Variants in SP110 observed in about 807,000 individuals in gnomAD.
SP110 encodes the protein SP110 nuclear body protein.
SP110 carries 62 observed loss-of-function variants against 92.7 expected under a neutral mutation model. That is an observed-to-expected ratio of 0.67 (90% CI 0.55 to 0.83). The LOEUF is 0.83. SP110 is among the 40% of genes least tolerant of loss of function. The probability of loss-of-function intolerance (pLI) is 0.00; values close to 1 mark genes in which losing one functional copy is unlikely to be tolerated. For missense variants in SP110, 793 were observed against 863.9 expected (o/e 0.92, Z 1.03); for synonymous variants, 273 against 305.3 (o/e 0.89, Z 1.10).
chr2:230,212,211 C>A, intron 5 of SP110, 136 bp downstream of exon 5: 1 of 716,390 alleles, frequency 1.4e-6, no homozygotes, highest in South Asian at 1.5e-5. Context: ...GGTGAATTGG[C>A]CCCTTCTGTT....
intron 15 of SP110, 58 bp downstream of exon 15, chr2:230,172,786 G>T: frequency 2.5e-6 from 3 of 1,177,402 alleles, no homozygotes; most frequent in Non-Finnish European, 2.6e-6. Flanking sequence ...CACAGGTCCT[G>T]CCCTTTCCAT....
chr2:230,185,943 G>T, intron 11 of SP110, 51 bp downstream of exon 11: 1 of 1,518,140 alleles, frequency 6.6e-7, no homozygotes, highest in Non-Finnish European at 9.2e-7. Flanking sequence ...TGCTCCAAGA[G>T]GCCCTCCTAC....
chr2:230,173,113 A>G, intron 14 of SP110, 154 bp from the exon 15 acceptor site: 1 of 654,382 alleles, frequency 1.5e-6, no homozygotes, highest in Non-Finnish European at 2.9e-6. Flanking sequence ...TCCCTGGGGG[A>G]AATTGCAAGA....
At chr2:230,188,479 T>A (rs2042460855) in intron 10 of SP110, among the ~76,000 whole-genome samples, 1 of 152,220 alleles carries the variant, frequency 6.6e-6, no homozygotes. Context: ...GTCATTTATT[T>A]CTTTCTCTTT....
In SP110 at chr2:230,169,147, C is replaced by A. The variant is rs1423431073; in HGVS notation, c.2119G>T (p.Gly707Cys). 11 of 1,612,870 alleles carry A rather than the reference C, an allele frequency of 6.8e-6. No homozygotes were observed. The highest frequency in any genetic ancestry group is 1.3e-5 in the African/African-American group (1 of 74,936). Residue 707 changes from glycine to cysteine, a missense_variant, in exon 19 of 19, where the codon GGC becomes TGC. Gly to Cys is a radical substitution (Grantham distance 159). Transcript: ENST00000258381. ...DVLGFHEAND[G>C]GFWTLP ...GGTCAAGGAAGAGTCCAGAAACCGC[C>A]GTCATTGGCTTCATGAAAACCGAGC...
intron 12 of SP110, among the ~76,000 whole-genome samples, chr2:230,181,612 G>A (rs4327229): frequency 0.79 from 120,628 of 152,134 alleles, 47,919 homozygotes; most frequent in Admixed American, 0.84. Context: ...CAAGAAAAAA[G>A]CAAACAACAC....
At chr2:230,201,297 A>C (rs2043161934) in intron 9 of SP110, among the ~76,000 whole-genome samples, 1 of 152,218 alleles carries the variant, frequency 6.6e-6, no homozygotes, top group Non-Finnish European at 1.5e-5. Flanking sequence ...GTTTCAGAAA[A>C]TTTGCAAGGT....
chr2:230,210,587 T>C (rs2044359388), intron 6 of SP110, among the ~76,000 whole-genome samples: 1 of 152,208 alleles, frequency 6.6e-6, no homozygotes. Context: ...TAAGGATTGT[T>C]TGAAGAAAGC....
chr2:230,202,304 T>A (rs1011521837), intron 9 of SP110, among the ~76,000 whole-genome samples: 1 of 152,254 alleles, frequency 6.6e-6, no homozygotes, highest in Non-Finnish European at 1.5e-5. Flanking sequence ...TCCTCAATAA[T>A]TTTTGAGAGC....
chr2:230,208,355 A>C (rs540149213), intron 7 of SP110, among the ~76,000 whole-genome samples: 1 of 152,358 alleles, frequency 6.6e-6, no homozygotes, highest in South Asian at 2.1e-4. Flanking sequence ...ATCAAGAAAA[A>C]GCATTTTTTA....
chr2:230,171,334 T>C, intron 17 of SP110: 1 of 336,912 alleles, frequency 3.0e-6, no homozygotes, highest in South Asian at 2.6e-5. Context: ...TCAAGTGATC[T>C]GCCCGCCTTG....
intron 10 of SP110, among the ~76,000 whole-genome samples, chr2:230,197,149 A>G (rs901425303): frequency 6.6e-6 from 1 of 152,186 alleles, no homozygotes; most frequent in African/African-American, 2.4e-5. Context: ...ACTAGTGTAC[A>G]GTCCCACCAA....
intron 10 of SP110, among the ~76,000 whole-genome samples, chr2:230,191,546 A>G (rs961287721): frequency 6.6e-6 from 1 of 152,182 alleles, no homozygotes; most frequent in Non-Finnish European, 1.5e-5. Flanking sequence ...AAATGGATAA[A>G]TTCCTGGACA....
Position 230,209,984 on chromosome 2 carries a change from G to A in SP110, c.776C>T (p.Pro259Leu). Residue 259 changes from proline (P) to leucine (L), a missense_variant, in exon 7 of 19, where the codon CCA (proline) becomes CTA (leucine). Physicochemically the swap from Pro to Leu is moderately conservative, Grantham distance 98. Transcript: ENST00000258381. ...MPEIRDNSPEPNDPEEPQEVS... is the reference protein window; with the variant it reads ...MPEIRDNSPELNDPEEPQEVS... ...CTCCTGGGGCTCTTCTGGGTCATTT[G>A]GTTCTGGAGAATTATCTCTTATCTC... The A allele has an allele frequency of 6.2e-7, 1 of 1,606,604 alleles. No individual in the cohort carries two copies. The highest frequency in any genetic ancestry group is 8.5e-7 in the Non-Finnish European group (1 of 1,173,156).
In SP110 at chr2:230,211,050, A is replaced by C. The variant is rs1044603152; in HGVS notation, c.751+420T>G. Among the ~76,000 whole-genome samples, 1 of 152,102 alleles carries C rather than the reference A, an allele frequency of 6.6e-6. No individual in the cohort carries two copies. The highest frequency in any genetic ancestry group is 2.4e-5 in the African/African-American group (1 of 41,436). Reference sequence around the variant, plus strand: ...AGCCGTTTTGAGCACTACTTTATTGAAGTGGCCTCAGAAGAGTGGCTCTGT... The same window carrying C: ...AGCCGTTTTGAGCACTACTTTATTGCAGTGGCCTCAGAAGAGTGGCTCTGT... On this transcript the variant is annotated intron_variant, in intron 6 of 18. Coordinates refer to ENST00000258381, the MANE Select transcript of SP110 (RefSeq NM_080424.4). This position sits in a 1 kb window ranked among gnomAD's most constrained non-coding sequence, Gnocchi z 4.2.
At chr2:230,179,268 C>A (rs563103570) in intron 12 of SP110, among the ~76,000 whole-genome samples, 1 of 152,124 alleles carries the variant, frequency 6.6e-6, no homozygotes, top group Non-Finnish European at 1.5e-5. Context: ...CCCGACAGAA[C>A]CCTACAGGAT....
At chr2:230,170,831 C>T in intron 17 of SP110, 70 bp from the exon 18 acceptor site, 2 of 1,479,038 alleles carry the variant, frequency 1.4e-6, no homozygotes, top group Non-Finnish European at 9.4e-7. Flanking sequence ...AACTTAAATA[C>T]AATCCAAGCC....
Position 230,208,005 on chromosome 2 carries a change from T to G in SP110, c.884A>C (p.Lys295Thr). ...TCTCATCTTACCTCCTGGGAGGCTT[T>G]TTTTCTTATGTCTCCTTTTTGGAGT... is the stretch of plus-strand genomic sequence containing the variant. Reference protein sequence around the residue: ...WSTPKRRHKKKSLPGGTASSR... With the variant: ...WSTPKRRHKKTSLPGGTASSR... The change falls in exon 8 of 19, where the codon AAA becomes ACA. Residue 295 changes from lysine to threonine, a missense_variant. Physicochemically the swap from Lys to Thr is moderately conservative, Grantham distance 78. Coordinates refer to ENST00000258381, the MANE Select transcript of SP110 (RefSeq NM_080424.4). 1 of 1,559,058 alleles carries G rather than the reference T, an allele frequency of 6.4e-7. No homozygotes were observed.
At chr2:230,212,601 G>A (rs956362090) in intron 4 of SP110, among the ~76,000 whole-genome samples, 160 bp downstream of exon 4, 4 of 152,136 alleles carry the variant, frequency 2.6e-5, no homozygotes, top group East Asian at 1.9e-4. Flanking sequence ...CCCACCCCCC[G>A]GCAGTGCTCA....
Sources: gnomAD v4.1 joint callset for allele counts (sites outside exome capture counted in the v4.1 genomes callset) on GRCh38, gnomAD v4.1.1 for gene constraint, Gnocchi (gnomAD v3.1) non-coding constraint, MANE v1.5 for transcripts, NCBI Gene and HGNC (gene_info 2026-07-23, HGNC 2026-07-21) for gene names.